Variants in ELP4 observed in about 807,000 individuals in gnomAD.
The protein encoded by ELP4 is elongator complex protein 4.
In ELP4, 51 loss-of-function variants were observed where a neutral mutation model predicts 48.9. The ratio of observed to expected loss-of-function variants is 1.04; its 90% CI spans 0.83 to 1.32. ELP4 has a LOEUF of 1.32. ELP4 is among the 40% of genes most tolerant of loss of function. The pLI, the probability that ELP4 is intolerant of heterozygous loss-of-function variation, is 0.00. For synonymous variants in ELP4, 210 were observed against 189.2 expected, an observed-to-expected ratio of 1.11 and a Z score of -0.90; for missense variants, 519 against 514.6, an observed-to-expected ratio of 1.01 and a Z score of -0.08.
chr11:31,659,768 A>G (rs7115722), intron 9 of ELP4, among the ~76,000 whole-genome samples: 92,189 of 151,946 alleles, frequency 0.61, 31,726 homozygotes, highest in Non-Finnish European at 0.76. Context: ...TAGATGGATC[A>G]CTTGAGGTCA....
chr11:31,735,133 T>A (rs1947279161), intron 9 of ELP4, among the ~76,000 whole-genome samples: 2 of 145,694 alleles, frequency 1.4e-5, no homozygotes, highest in Non-Finnish European at 3.0e-5. Flanking sequence ...CAACAAATGG[T>A]ATTGGGAAAA....
chr11:31,627,936 T>C (rs1009580465), intron 6 of ELP4, among the ~76,000 whole-genome samples: 1 of 152,132 alleles, frequency 6.6e-6, no homozygotes, highest in Non-Finnish European at 1.5e-5. Context: ...CACTATCAGC[T>C]ACATTTGTGC....
At chr11:31,585,270 T>A (rs1477159785) in intron 3 of ELP4, among the ~76,000 whole-genome samples, 1 of 152,154 alleles carries the variant, frequency 6.6e-6, no homozygotes, top group Non-Finnish European at 1.5e-5. Flanking sequence ...GTCTCAAATT[T>A]AAACAAATGT....
At chr11:31,565,981 G>A (rs980729660) in intron 3 of ELP4, among the ~76,000 whole-genome samples, 16 of 152,098 alleles carry the variant, frequency 1.1e-4, no homozygotes, top group South Asian at 6.2e-4. Context: ...CCATTTTCAC[G>A]ATATTGATTC....
chr11:31,785,364 A>C lies in ELP4; in HGVS notation c.*1840A>C. On this transcript the variant is annotated 3_prime_UTR_variant, in exon 10 of 10. Transcript: ENST00000640961. ...TTTGACTTGCTGAAAAAGAGATACGAGGTCATCAGATATGTAAATTGCTTG... is the reference window on the plus strand; with the variant it reads ...TTTGACTTGCTGAAAAAGAGATACGCGGTCATCAGATATGTAAATTGCTTG... 5.4e-6 allele frequency: 1 copy of C among 185,026 alleles called. No homozygotes were observed. The allele number at this position is 185,026 out of a possible 1,614,324, so 11.5% of individuals were successfully genotyped here. A position where few individuals can be genotyped will look rare whatever the true frequency, so the allele number is the denominator to read the frequency against.
chr11:31,566,369 A>G (rs1565057095), intron 3 of ELP4, among the ~76,000 whole-genome samples: 1 of 152,162 alleles, frequency 6.6e-6, no homozygotes, highest in Non-Finnish European at 1.5e-5. Context: ...AAAAAAAAAA[A>G]AGATTCATTC....
At chr11:31,653,985 A>G (rs574928464) in intron 9 of ELP4, 2 of 151,840 alleles carry the variant, frequency 1.3e-5, no homozygotes, top group South Asian at 4.2e-4. Flanking sequence ...TAAGTGCAAC[A>G]TTTTCACTTG....
At chr11:31,644,339 G>A (rs1252754913) in intron 7 of ELP4, among the ~76,000 whole-genome samples, 2 of 151,796 alleles carry the variant, frequency 1.3e-5, no homozygotes, top group Non-Finnish European at 2.9e-5. Context: ...TTAATGCAAA[G>A]ATTATGTTCA....
intron 3 of ELP4, among the ~76,000 whole-genome samples, chr11:31,578,089 C>A (rs1403032277): frequency 6.6e-6 from 1 of 152,226 alleles, no homozygotes; most frequent in Non-Finnish European, 1.5e-5. Flanking sequence ...TAAGCAACTT[C>A]AGCAAAGTCT....
At chr11:31,654,915 T>C (rs1945397164) in intron 9 of ELP4, 1 of 151,892 alleles carries the variant, frequency 6.6e-6, no homozygotes, top group Non-Finnish European at 1.5e-5. Context: ...GGAGCCTTCT[T>C]AAGTTGTAGC....
At chr11:31,624,783 A>T (rs1399531916) in intron 5 of ELP4, among the ~76,000 whole-genome samples, 1 of 151,766 alleles carries the variant, frequency 6.6e-6, no homozygotes, top group African/African-American at 2.4e-5. Flanking sequence ...TCTATATGCT[A>T]TTTTTAATTT....
intron 4 of ELP4, among the ~76,000 whole-genome samples, chr11:31,598,205 C>T (rs1050615571): frequency 4.0e-5 from 6 of 151,898 alleles, no homozygotes; most frequent in Admixed American, 1.3e-4. Flanking sequence ...CCGCCGACCT[C>T]GGCCTCCGAA....
chr11:31,551,027 T>G (rs543846867), intron 3 of ELP4, among the ~76,000 whole-genome samples: 1 of 152,318 alleles, frequency 6.6e-6, no homozygotes, highest in African/African-American at 2.4e-5. Flanking sequence ...AAGAAATCCT[T>G]CAGGATTATG....
chr11:31,606,264 G>A (rs1472849243), intron 5 of ELP4, among the ~76,000 whole-genome samples: 1 of 151,962 alleles, frequency 6.6e-6, no homozygotes, highest in Non-Finnish European at 1.5e-5. Context: ...TTTACCATGT[G>A]AGATTTATTT....
chr11:31,755,063 A>C (rs1005302980), intron 9 of ELP4, among the ~76,000 whole-genome samples: 25 of 152,210 alleles, frequency 1.6e-4, no homozygotes, highest in Admixed American at 1.2e-3. Flanking sequence ...TGTGCCAAAA[A>C]GTAAGGAAAC....
intron 9 of ELP4, among the ~76,000 whole-genome samples, chr11:31,671,790 AAAC>A (rs1423126456): frequency 1.2e-4 from 19 of 152,322 alleles, no homozygotes; most frequent in African/African-American, 2.2e-4. Flanking sequence ...GGTAGAAAAT[AAAC>A]AACAAGACTT....
chr11:31,691,923 T>A (rs1057487183), intron 9 of ELP4, among the ~76,000 whole-genome samples: 1 of 152,170 alleles, frequency 6.6e-6, no homozygotes, highest in Non-Finnish European at 1.5e-5. Flanking sequence ...GTAATAAACA[T>A]GATATTGAAA....
At chr11:31,705,920 A>G (rs901708000) in intron 9 of ELP4, among the ~76,000 whole-genome samples, 2 of 152,136 alleles carry the variant, frequency 1.3e-5, no homozygotes, top group Non-Finnish European at 2.9e-5. Context: ...TGGCACAAGT[A>G]TAGCTCACTG....
chr11:31,524,101 G>A (rs550520676), intron 2 of ELP4, among the ~76,000 whole-genome samples: 1 of 151,762 alleles, frequency 6.6e-6, no homozygotes, highest in African/African-American at 2.4e-5. Flanking sequence ...ATACACTTTT[G>A]GATAATTAAA....
Sources: allele counts gnomAD v4.1 joint callset (sites outside exome capture counted in the v4.1 genomes callset), GRCh38; gene constraint gnomAD v4.1.1; transcripts MANE v1.5; gene names NCBI Gene and HGNC (gene_info 2026-07-23, HGNC 2026-07-21).